Variants in LAPTM4B observed in about 807,000 individuals in gnomAD.
LAPTM4B encodes lysosomal protein transmembrane 4 beta.
A neutral mutation model predicts 28.5 loss-of-function variants in LAPTM4B; 26 were observed. The observed-to-expected ratio is 0.91, with a 90% CI of 0.67 to 1.27. The LOEUF is 1.27. Among genes scored for constraint, LAPTM4B ranks in the 50% most tolerant of loss-of-function variants. The probability of loss-of-function intolerance (pLI) is 0.00; values close to 1 mark genes in which losing one functional copy is unlikely to be tolerated. For missense variants in LAPTM4B, 288 were observed against 285.8 expected (o/e 1.01, Z -0.06); for synonymous variants, 109 against 106.4 (o/e 1.02, Z -0.15).
At chr8:97,833,398 ATTG>A (rs574620056) in intron 6 of LAPTM4B, among the ~76,000 whole-genome samples, 156 of 152,200 alleles carry the variant, frequency 1.0e-3, no homozygotes, top group African/African-American at 3.7e-3. Flanking sequence ...TTATTTTTTA[ATTG>A]TTATTTTTTA....
intron 5 of LAPTM4B, among the ~76,000 whole-genome samples, chr8:97,820,124 A>T (rs572180077): frequency 6.6e-6 from 1 of 152,122 alleles, no homozygotes; most frequent in East Asian, 1.9e-4. Context: ...AATGACTTCT[A>T]CTTCCTGCAG....
intron 6 of LAPTM4B, among the ~76,000 whole-genome samples, chr8:97,830,852 A>C (rs892914485): frequency 6.6e-6 from 1 of 152,094 alleles, no homozygotes; most frequent in African/African-American, 2.4e-5. Flanking sequence ...GTAAAAGGAA[A>C]TTGGCAGCTC....
rs534097749 is a variant in LAPTM4B at position 97,812,574 on chromosome 8, G to A, written c.212-2754G>A. ...TTGTATGTATGAGAAGACCACTAGAGTTGGTGAAGTCACTTGGATCATCTA... is the reference window on the plus strand; with the variant it reads ...TTGTATGTATGAGAAGACCACTAGAATTGGTGAAGTCACTTGGATCATCTA... On this transcript the variant is annotated intron_variant, in intron 2 of 6. Transcript: ENST00000521545. Among the ~76,000 whole-genome samples, 14 of 152,288 alleles carry A rather than the reference G, an allele frequency of 9.2e-5. No individual in the cohort carries two copies. In the South Asian group the frequency reaches 2.7e-3, roughly 29 times the overall value.
intron 6 of LAPTM4B, among the ~76,000 whole-genome samples, chr8:97,846,199 GAAGACCCTTGTGTA>G (rs898149686): frequency 6.6e-6 from 1 of 151,868 alleles, no homozygotes; most frequent in African/African-American, 2.4e-5. Context: ...ATGAATGTCT[GAAGACCCTTGTGTA>G]ATTTATACTT....
intron 2 of LAPTM4B, among the ~76,000 whole-genome samples, chr8:97,812,005 C>T (rs1191948513): frequency 6.6e-6 from 1 of 151,794 alleles, no homozygotes; most frequent in Non-Finnish European, 1.5e-5. Context: ...GGGGTTTTGC[C>T]ATGTTTCCCA....
rs554058157 is a variant in LAPTM4B at position 97,834,144 on chromosome 8, G to GAAAAAAA, written c.603+8999_603+9005dup. ...ACATAGTGAGACCCCTGTCTCTACA[G>GAAAAAAA]AAAAAAAAAAAAAATCCAGGTGGCA... On this transcript the variant is annotated intron_variant, in intron 6 of 6. Coordinates refer to ENST00000521545, the MANE Select transcript of LAPTM4B (RefSeq NM_018407.6). Among the ~76,000 whole-genome samples the GAAAAAAA allele has an allele frequency of 2.1e-3, 161 of 75,344 alleles. 15 individuals are homozygous for GAAAAAAA. The highest frequency in any genetic ancestry group is 2.0e-3 in the African/African-American group (47 of 23,754). The allele number at this position is 75,344 out of a possible 152,430, so 49.4% of individuals were successfully genotyped here. A position where few individuals can be genotyped will look rare whatever the true frequency, so the allele number is the denominator to read the frequency against.
chr8:97,820,729 C>T (rs1816990324), intron 5 of LAPTM4B, among the ~76,000 whole-genome samples: 1 of 151,488 alleles, frequency 6.6e-6, no homozygotes, highest in Non-Finnish European at 1.5e-5. Context: ...GAGACCCCGT[C>T]TTGTTGTTGT....
chr8:97,793,677 T>A (rs567877477), intron 1 of LAPTM4B, among the ~76,000 whole-genome samples: 1 of 152,206 alleles, frequency 6.6e-6, no homozygotes, highest in Non-Finnish European at 1.5e-5. Flanking sequence ...GTAAACAGAA[T>A]GTCTATCGTT....
chr8:97,818,693 CCT>C (rs1459315685), intron 4 of LAPTM4B, among the ~76,000 whole-genome samples: 2 of 152,020 alleles, frequency 1.3e-5, no homozygotes, highest in Non-Finnish European at 2.9e-5. Context: ...CTGCATATGC[CCT>C]TTAGAATGGT....
At chr8:97,843,727 C>T (rs1029360451) in intron 6 of LAPTM4B, among the ~76,000 whole-genome samples, 4 of 151,958 alleles carry the variant, frequency 2.6e-5, no homozygotes, top group African/African-American at 7.3e-5. Flanking sequence ...TTGCATGAGC[C>T]AAGATTGCAG....
At position 97,804,666 on chromosome 8, in the gene LAPTM4B, G is replaced by T. The variant is rs145473596; in HGVS notation, c.100-687G>T. Among the ~76,000 whole-genome samples, 148 of 152,276 alleles carry T rather than the reference G, an allele frequency of 9.7e-4. 1 individual carries two copies. The East Asian group carries it at 0.025, about 26-fold the overall frequency. ...GAATGTTTTTCATTAATTATTAATAGCGAGGCCATTTTTTAAATTAGAGAA... is the reference window on the plus strand; with the variant it reads ...GAATGTTTTTCATTAATTATTAATATCGAGGCCATTTTTTAAATTAGAGAA... On this transcript the variant is annotated intron_variant, in intron 1 of 6. Coordinates refer to ENST00000521545, the MANE Select transcript of LAPTM4B (RefSeq NM_018407.6).
rs1465050034 is a variant in LAPTM4B, at chr8:97,845,959, C to A, written c.604-5438C>A. ...CCAGGTTGGAGTGCAGTGGTACGAT[C>A]GTGTTTCACTGCAGCCTCAACTCCT... is the stretch of plus-strand genomic sequence containing the variant. On this transcript the variant is annotated intron_variant, in intron 6 of 6. Coordinates refer to ENST00000521545, the MANE Select transcript of LAPTM4B (RefSeq NM_018407.6). Among the ~76,000 whole-genome samples the A allele has an allele frequency of 1.5e-5, 2 of 134,108 alleles. 1 individual carries two copies. Among genetic ancestry groups the A allele is most frequent in the African/African-American group, 5.6e-5 (2 of 35,656 alleles). 88.0% of individuals were successfully genotyped at this position (134,108 alleles called of 152,430 possible).
chr8:97,826,022 G>A (rs75946106), intron 6 of LAPTM4B, among the ~76,000 whole-genome samples: 2,492 of 152,256 alleles, frequency 0.016, 51 homozygotes, highest in African/African-American at 0.055. Flanking sequence ...TTTTTAGTTT[G>A]CTTGTTTTTT....
intron 1 of LAPTM4B, among the ~76,000 whole-genome samples, chr8:97,795,441 A>T (rs1210148596): frequency 6.6e-6 from 1 of 152,174 alleles, no homozygotes; most frequent in African/African-American, 2.4e-5. Flanking sequence ...ACGTTTACAT[A>T]AAAGGACGTA....
At chr8:97,834,343 T>C (rs4735507) in intron 6 of LAPTM4B, among the ~76,000 whole-genome samples, 1 of 152,142 alleles carries the variant, frequency 6.6e-6, no homozygotes, top group African/African-American at 2.4e-5. Context: ...TGTTGAAAAG[T>C]ACAACCATTT....
chr8:97,794,631 T>C (rs892878704), intron 1 of LAPTM4B, among the ~76,000 whole-genome samples: 1 of 152,222 alleles, frequency 6.6e-6, no homozygotes, highest in Non-Finnish European at 1.5e-5. Context: ...GAGAGTCTGA[T>C]TGAAACTTCC....
Position 97,775,952 on chromosome 8 carries a change from G to T in LAPTM4B, c.-58G>T. On this transcript the variant is annotated 5_prime_UTR_variant, in exon 1 of 7. Coordinates refer to ENST00000521545, the MANE Select transcript of LAPTM4B (RefSeq NM_018407.6). ...AGCAGCGGCGCGGCGGGCTCCAGGC[G>T]AGGCGGTCGACGCTCCTGAAAACTT... The T allele has an allele frequency of 1.3e-6, 2 of 1,506,512 alleles. No individual in the cohort carries two copies. Among genetic ancestry groups the T allele is most frequent in the Non-Finnish European group, 1.8e-6 (2 of 1,137,132 alleles). 93.3% of individuals were successfully genotyped at this position (1,506,512 alleles called of 1,614,324 possible). A position where few individuals can be genotyped will look rare whatever the true frequency, so the allele number is the denominator to read the frequency against.
chr8:97,782,344 CTCAA>C, intron 1 of LAPTM4B, among the ~76,000 whole-genome samples: 1 of 99,200 alleles, frequency 1.0e-5, no homozygotes, highest in East Asian at 6.1e-4. Flanking sequence ...GCTGGAGTGG[CTCAA>C]TGCAGCCTTG....
intron 1 of LAPTM4B, among the ~76,000 whole-genome samples, chr8:97,789,038 CTTTATTTATTTATTTATTTATTTA>C (rs71570264): frequency 6.0e-4 from 84 of 140,802 alleles, no homozygotes; most frequent in African/African-American, 1.9e-3. Context: ...GGTGCTCACT[CTTTATTTATTTATTTATTTATTTA>C]TTTATTTATT....
Sources: gnomAD v4.1 joint callset for allele counts (sites outside exome capture counted in the v4.1 genomes callset) on GRCh38, gnomAD v4.1.1 for gene constraint, MANE v1.5 for transcripts, NCBI Gene and HGNC (gene_info 2026-07-23, HGNC 2026-07-21) for gene names.